Variants in GDAP2 observed in about 807,000 individuals in gnomAD.
The protein encoded by GDAP2 is ganglioside-induced differentiation-associated protein 2.
In GDAP2, 51 loss-of-function variants were observed where a neutral mutation model predicts 67.0. The ratio of observed to expected loss-of-function variants is 0.76; its 90% CI spans 0.61 to 0.96. The LOEUF (loss-of-function observed/expected upper bound fraction) is 0.96, where lower values mean the gene tolerates loss of function less well. Among genes scored for constraint, GDAP2 ranks in the 40% least tolerant of loss-of-function variants. GDAP2 has a pLI of 0.00. For missense variants in GDAP2, 547 were observed against 588.3 expected (o/e 0.93, Z 0.73); for synonymous variants, 203 against 207.3 (o/e 0.98, Z 0.18).
At chr1:117,878,250 A>C (rs1199601004) in intron 12 of GDAP2, 98 bp from the exon 13 acceptor site, 5 of 587,550 alleles carry the variant, frequency 8.5e-6, no homozygotes, top group Non-Finnish European at 1.2e-5. Context: ...ACTATATTTC[A>C]AAGTCTTAAA....
Position 117,918,728 on chromosome 1 carries a change from T to A in GDAP2, c.185A>T (p.Asp62Val), listed in dbSNP as rs377154961. The A allele has an allele frequency of 3.4e-5, 55 of 1,599,974 alleles. No homozygotes were observed. Among genetic ancestry groups the A allele is most frequent in the Non-Finnish European group, 4.4e-5 (52 of 1,168,572 alleles). The change falls in exon 3 of 14, where the codon GAT becomes GTT. Residue 62 changes from aspartate (D) to valine (V), a missense_variant. Coordinates refer to ENST00000369443, the MANE Select transcript of GDAP2 (RefSeq NM_017686.4). ...VNGKVVLWKG[D>V]VALLNCTAIV... ...GGCTGTACAGTTCAGTAATGCCACATCTCCTTTCCTGAAGAAACAATAAAG... is the reference window on the plus strand; with the variant it reads ...GGCTGTACAGTTCAGTAATGCCACAACTCCTTTCCTGAAGAAACAATAAAG...
rs184809740 is a variant in GDAP2 at position 117,890,678 on chromosome 1, G to A, written c.954-2904C>T. Among the ~76,000 whole-genome samples the A allele has an allele frequency of 1.5e-3, 235 of 151,986 alleles. 1 individual carries two copies. The highest frequency in any genetic ancestry group is 2.7e-3 in the Non-Finnish European group (185 of 67,924). ...ATGTGCTACTTCCCACCGTTATCTG[G>A]AATTCCAGGTTAATCATTTATTGCT... On this transcript the variant is annotated intron_variant, in intron 8 of 13. Transcript: ENST00000369443.
Position 117,878,349 on chromosome 1 carries a change from A to G in GDAP2, c.1303-197T>C, listed in dbSNP as rs531845006. Among the ~76,000 whole-genome samples the G allele has an allele frequency of 2.0e-5, 3 of 152,344 alleles. No homozygotes were observed. The South Asian group carries it at 6.2e-4, about 32-fold the overall frequency. ...ACATTAAAAAGAAGAAACGAGGATA[A>G]CACTGACTAGAGACTATAAGAAGAA... On this transcript the variant is annotated intron_variant, in intron 12 of 13. Coordinates refer to ENST00000369443, the MANE Select transcript of GDAP2 (RefSeq NM_017686.4).
chr1:117,919,982 T>G (rs1650186509), intron 2 of GDAP2, among the ~76,000 whole-genome samples, 200 bp downstream of exon 2: 1 of 152,184 alleles, frequency 6.6e-6, no homozygotes, highest in South Asian at 2.1e-4. Context: ...GGTAATGGCT[T>G]CAAGGATGTA....
chr1:117,922,137 G>A (rs1650274130), intron 1 of GDAP2, among the ~76,000 whole-genome samples: 1 of 152,096 alleles, frequency 6.6e-6, no homozygotes, highest in African/African-American at 2.4e-5. Flanking sequence ...GGTTATATGA[G>A]GCTAGAGCTC....
intron 8 of GDAP2, among the ~76,000 whole-genome samples, chr1:117,890,008 G>C (rs114155020): frequency 0.013 from 2,034 of 152,152 alleles, 37 homozygotes; most frequent in South Asian, 0.092. Context: ...ATTATGTAAG[G>C]TATTTTGGGG....
At chr1:117,904,953 T>C (rs1295879308) in intron 6 of GDAP2, among the ~76,000 whole-genome samples, 1 of 152,194 alleles carries the variant, frequency 6.6e-6, no homozygotes, top group African/African-American at 2.4e-5. Context: ...CTATTTGCTA[T>C]CTCAATGGTG....
In GDAP2 at chr1:117,866,689, ACTAAAAATACAAAAATTAGCCGGG is replaced by A. The variant is rs1309501327; in HGVS notation, c.*3856_*3879del. On this transcript the variant is annotated 3_prime_UTR_variant, in exon 14 of 14. Coordinates refer to ENST00000369443, the MANE Select transcript of GDAP2 (RefSeq NM_017686.4). Reference sequence around the variant, plus strand: ...GCCAACATGGTGAAACCCCGTCTCTACTAAAAATACAAAAATTAGCCGGGCATGGTGGTGCATGTCTATAATCTC... The same window carrying A: ...GCCAACATGGTGAAACCCCGTCTCTACATGGTGGTGCATGTCTATAATCTC... 1 of 152,276 alleles carries A rather than the reference ACTAAAAATACAAAAATTAGCCGGG, an allele frequency of 6.6e-6. No individual in the cohort carries two copies. Among genetic ancestry groups the A allele is most frequent in the African/African-American group, 2.4e-5 (1 of 41,534 alleles). The allele number at this position is 152,276 out of a possible 1,614,324, so 9.4% of individuals were successfully genotyped here.
At chr1:117,884,924 C>G (rs1648796974) in intron 10 of GDAP2, among the ~76,000 whole-genome samples, 1 of 151,776 alleles carries the variant, frequency 6.6e-6, no homozygotes, top group African/African-American at 2.4e-5. Flanking sequence ...GGAGATCTTG[C>G]AACCTCTGCA....
At chr1:117,877,390 T>A in intron 13 of GDAP2, 2 of 982,672 alleles carry the variant, frequency 2.0e-6, no homozygotes, top group South Asian at 9.4e-5. Context: ...TTTGGCCAAG[T>A]GTGTTACTTT....
At chr1:117,907,892 A>C (rs1298921998) in intron 5 of GDAP2, among the ~76,000 whole-genome samples, 1 of 152,142 alleles carries the variant, frequency 6.6e-6, no homozygotes, top group Non-Finnish European at 1.5e-5. Context: ...TAAGATTCAA[A>C]AACCCTAGCA....
intron 13 of GDAP2, chr1:117,877,680 G>C: frequency 1.9e-6 from 2 of 1,032,180 alleles, no homozygotes; most frequent in African/African-American, 1.7e-5. Context: ...CTGTGTAGAT[G>C]GAAAGCCATT....
At chr1:117,883,181 T>C (rs1279906683) in intron 11 of GDAP2, 2 of 182,878 alleles carry the variant, frequency 1.1e-5, no homozygotes, top group African/African-American at 4.8e-5. Context: ...GGTTAAAGGA[T>C]CAAAGTAAAT....
In GDAP2 at chr1:117,885,758, AT is replaced by A. The variant is rs548340022; in HGVS notation, c.1107+818del. On this transcript the variant is annotated intron_variant, in intron 10 of 13. Coordinates refer to ENST00000369443, the MANE Select transcript of GDAP2 (RefSeq NM_017686.4). ...GTAATTTTGCATTTTTAAGTATACA[AT>A]TTTTTTTTTACTATGGTTAATAATT... Among the ~76,000 whole-genome samples the A allele has an allele frequency of 1.2e-3, 181 of 150,172 alleles. 4 individuals carry two copies. The South Asian group carries it at 0.019, about 16-fold the overall frequency.
chr1:117,873,932 C>A (rs1044378386), intron 13 of GDAP2, among the ~76,000 whole-genome samples: 9 of 152,154 alleles, frequency 5.9e-5, no homozygotes, highest in African/African-American at 2.2e-4. Context: ...TACTAATAGA[C>A]CTCATCTTTT....
intron 1 of GDAP2, among the ~76,000 whole-genome samples, chr1:117,922,559 C>T (rs1041323271): frequency 5.3e-5 from 8 of 151,964 alleles, no homozygotes; most frequent in Non-Finnish European, 1.2e-4. Context: ...GGAAAGAGTA[C>T]AAAAGAGAGA....
intron 6 of GDAP2, among the ~76,000 whole-genome samples, chr1:117,900,636 C>T (rs748661856): frequency 1.3e-5 from 2 of 151,536 alleles, no homozygotes; most frequent in South Asian, 2.1e-4. Flanking sequence ...CGTGGTGGCG[C>T]GTGCCTATAG....
intron 6 of GDAP2, among the ~76,000 whole-genome samples, chr1:117,904,602 AT>A (rs1445974964): frequency 2.6e-5 from 4 of 152,208 alleles, no homozygotes; most frequent in African/African-American, 9.6e-5. Context: ...AAAGACTTTT[AT>A]TCTCTGTTCC....
Position 117,896,926 on chromosome 1 carries a change from A to G in GDAP2, c.860T>C (p.Phe287Ser). 6.2e-7 allele frequency: 1 copy of G among 1,612,124 alleles called. No homozygotes were observed. The highest frequency in any genetic ancestry group is 1.1e-5 in the South Asian group (1 of 90,972). Residue 287 changes from phenylalanine to serine, a missense_variant, in exon 8 of 14, where the codon TTT (phenylalanine) becomes TCT (serine). Phe to Ser is a radical substitution (Grantham distance 155). Coordinates refer to ENST00000369443, the MANE Select transcript of GDAP2 (RefSeq NM_017686.4). ...GTCAATATCTCCTTCCATTCGAGCA[A>G]AAGCATGAGAGCCAATGAAAGAGAG... is the stretch of plus-strand genomic sequence containing the variant. The part of the protein sequence containing the change: ...VDLSFIGSHA[F>S]ARMEGDIDKQ...
Sources: allele counts gnomAD v4.1 joint callset (sites outside exome capture counted in the v4.1 genomes callset), GRCh38; gene constraint gnomAD v4.1.1; transcripts MANE v1.5; gene names NCBI Gene and HGNC (gene_info 2026-07-23, HGNC 2026-07-21).